MAGI2: variants seen among roughly 807,000 people sequenced by gnomAD.
The protein encoded by MAGI2 is membrane associated guanylate kinase, WW and PDZ domain containing 2.
Under a neutral mutation model 133.3 loss-of-function variants are expected in MAGI2, and 35 were observed. The ratio of observed to expected loss-of-function variants is 0.26; its 90% CI spans 0.20 to 0.35. The LOEUF (loss-of-function observed/expected upper bound fraction) is 0.35, where lower values mean the gene tolerates loss of function less well. Among genes scored for constraint, MAGI2 ranks in the 10% least tolerant of loss-of-function variants. MAGI2 has a pLI of 1.00. For synonymous variants in MAGI2, 729 were observed against 710.6 expected, an observed-to-expected ratio of 1.03 and a Z score of -0.41; for missense variants, 1,636 against 1,863.4, an observed-to-expected ratio of 0.88 and a Z score of 2.25.
intron 6 of MAGI2, among the ~76,000 whole-genome samples, chr7:78,443,036 G>A (rs1347420768): frequency 1.3e-5 from 2 of 152,228 alleles, no homozygotes; most frequent in South Asian, 2.1e-4. Context: ...AACAATACAT[G>A]GTTTGTATCT....
chr7:78,431,273 T>C (rs1562984909), intron 6 of MAGI2, among the ~76,000 whole-genome samples: 1 of 152,126 alleles, frequency 6.6e-6, no homozygotes, highest in Non-Finnish European at 1.5e-5. Context: ...AGGAGGACTT[T>C]CAAAGACTGA....
chr7:78,357,021 T>C (rs903357290), intron 7 of MAGI2, among the ~76,000 whole-genome samples: 9 of 152,238 alleles, frequency 5.9e-5, no homozygotes, highest in Non-Finnish European at 8.8e-5. Flanking sequence ...ACTCATTTCA[T>C]AGGACTGTTT....
chr7:79,437,792 T>C (rs1216763444), intron 1 of MAGI2, among the ~76,000 whole-genome samples: 4 of 152,162 alleles, frequency 2.6e-5, no homozygotes, highest in African/African-American at 9.7e-5. Flanking sequence ...TTTACTATTA[T>C]TGTTTGTATC....
At chr7:78,178,498 T>G (rs1826877070) in intron 13 of MAGI2, among the ~76,000 whole-genome samples, 1 of 152,138 alleles carries the variant, frequency 6.6e-6, no homozygotes, top group Admixed American at 6.6e-5. Context: ...AGAGAACAGA[T>G]GGCAAAACCC....
intron 1 of MAGI2, among the ~76,000 whole-genome samples, chr7:79,174,295 G>A (rs576248030): frequency 6.6e-6 from 1 of 152,056 alleles, no homozygotes; most frequent in South Asian, 2.1e-4. Context: ...AAATATAGAT[G>A]AGTATTTTTT....
chr7:78,856,455 C>T (rs1414167316), intron 2 of MAGI2, among the ~76,000 whole-genome samples: 1 of 152,208 alleles, frequency 6.6e-6, no homozygotes, highest in Non-Finnish European at 1.5e-5. Context: ...GATGCAGTTT[C>T]AGCTTTCTAC....
chr7:78,505,982 A>G (rs1306094294), intron 4 of MAGI2, among the ~76,000 whole-genome samples: 3 of 151,982 alleles, frequency 2.0e-5, no homozygotes, highest in Non-Finnish European at 4.4e-5. Context: ...TCTATCAGGC[A>G]TGCTCAGGAT....
intron 1 of MAGI2, among the ~76,000 whole-genome samples, chr7:79,168,899 T>G (rs1248707724): frequency 2.1e-3 from 17 of 8,264 alleles, no homozygotes; most frequent in South Asian, 6.3e-3. Flanking sequence ...GATATATATA[T>G]ATATATATAT....
At chr7:78,944,866 A>AGAT (rs1420737909) in intron 2 of MAGI2, among the ~76,000 whole-genome samples, 1 of 151,966 alleles carries the variant, frequency 6.6e-6, no homozygotes, top group Non-Finnish European at 1.5e-5. Context: ...CCTCTGGAGT[A>AGAT]GATGGAACTA....
At chr7:79,097,358 A>G (rs1817602940) in intron 1 of MAGI2, among the ~76,000 whole-genome samples, 2 of 152,242 alleles carry the variant, frequency 1.3e-5, no homozygotes, top group South Asian at 4.1e-4. Context: ...AGTAATGCCT[A>G]CATTTACTGT....
intron 11 of MAGI2, among the ~76,000 whole-genome samples, chr7:78,200,560 CGT>C (rs1004613068): frequency 6.6e-6 from 1 of 151,948 alleles, no homozygotes; most frequent in Non-Finnish European, 1.5e-5. Flanking sequence ...CTTAAATATA[CGT>C]GTGTGTGTAT....
intron 2 of MAGI2, among the ~76,000 whole-genome samples, chr7:78,730,901 C>A (rs539254690): frequency 1.3e-5 from 2 of 152,202 alleles, no homozygotes; most frequent in East Asian, 3.9e-4. Context: ...ATCTTCTGAA[C>A]AGCCAAAACT....
intron 9 of MAGI2, among the ~76,000 whole-genome samples, chr7:78,272,509 C>G (rs566197858): frequency 6.6e-6 from 1 of 152,196 alleles, no homozygotes; most frequent in African/African-American, 2.4e-5. Flanking sequence ...AATTTTCTGT[C>G]TTGTTGGTCT....
intron 2 of MAGI2, among the ~76,000 whole-genome samples, chr7:78,865,912 G>C (rs1584207966): frequency 6.6e-6 from 1 of 152,130 alleles, no homozygotes; most frequent in Non-Finnish European, 1.5e-5. Flanking sequence ...CTGGTGAAGA[G>C]TGAGGTGAGA....
rs749682096 is a variant in MAGI2, at chr7:78,059,773, A to ATTTT, written c.3706+19173_3706+19174insAAAA. Among the ~76,000 whole-genome samples the ATTTT allele has an allele frequency of 7.0e-3, 541 of 77,206 alleles. 2 individuals are homozygous for ATTTT. Among genetic ancestry groups the ATTTT allele is most frequent in the South Asian group, 0.013 (27 of 2,090 alleles). The allele number at this position is 77,206 out of a possible 152,430, so 50.7% of individuals were successfully genotyped here. On this transcript the variant is annotated intron_variant, in intron 21 of 21. Transcript: ENST00000354212. The stretch of plus-strand genomic sequence containing the variant: ...GAGGAACAATGCCATATATATATAT[A>ATTTT]TATATTTTTTTTCTGGAGTCCCTAC...
intron 1 of MAGI2, among the ~76,000 whole-genome samples, chr7:79,062,011 C>T (rs1813797057): frequency 6.6e-6 from 1 of 152,046 alleles, no homozygotes; most frequent in Admixed American, 6.6e-5. Context: ...AATACATTTC[C>T]AGGCACAAGG....
chr7:79,099,430 A>C (rs1051076941), intron 1 of MAGI2, among the ~76,000 whole-genome samples: 4 of 152,198 alleles, frequency 2.6e-5, no homozygotes, highest in Non-Finnish European at 4.4e-5. Context: ...TAATATTTTC[A>C]GTAACTTTTC....
At chr7:78,754,893 T>C (rs1189763860) in intron 2 of MAGI2, among the ~76,000 whole-genome samples, 1 of 152,214 alleles carries the variant, frequency 6.6e-6, no homozygotes, top group Non-Finnish European at 1.5e-5. Flanking sequence ...TCAGGTCTGC[T>C]TCCTGAGGAA....
chr7:79,154,224 T>C (rs1345936424), intron 1 of MAGI2, among the ~76,000 whole-genome samples: 4 of 152,184 alleles, frequency 2.6e-5, no homozygotes, highest in Non-Finnish European at 4.4e-5. Flanking sequence ...AAATGCAATT[T>C]CAAAAGTATT....
Sources: gnomAD v4.1 joint callset for allele counts (sites outside exome capture counted in the v4.1 genomes callset) on GRCh38, gnomAD v4.1.1 for gene constraint, MANE v1.5 for transcripts, NCBI Gene and HGNC (gene_info 2026-07-23, HGNC 2026-07-21) for gene names.